Variants in LRRC8B observed in about 807,000 individuals in gnomAD.
The protein encoded by LRRC8B is volume-regulated anion channel subunit LRRC8B.
In LRRC8B, 23 loss-of-function variants were observed where a neutral mutation model predicts 58.8. That is an observed-to-expected ratio of 0.39 (90% CI 0.28 to 0.55). The LOEUF (loss-of-function observed/expected upper bound fraction) is 0.55, where lower values mean the gene tolerates loss of function less well. Ranked by LOEUF, LRRC8B falls within the 20% of genes least tolerant of loss-of-function variation. LRRC8B has a pLI of 0.62. For synonymous variants in LRRC8B, 359 were observed against 374.1 expected (o/e 0.96, Z 0.47); for missense variants, 694 against 936.0 (o/e 0.74, Z 3.37).
chr1:89,591,768 C>T (rs2101107605), intron 5 of LRRC8B, among the ~76,000 whole-genome samples: 1 of 152,250 alleles, frequency 6.6e-6, no homozygotes, highest in East Asian at 1.9e-4. Flanking sequence ...AGGCCAAGTC[C>T]CTGAGTGCCC....
Position 89,584,303 on chromosome 1 carries a change from G to C in LRRC8B, c.1653G>C (p.Arg551=). Residue 551 remains arginine (R), a synonymous_variant, in exon 5 of 6, where the codon CGG becomes CGC. Coordinates refer to ENST00000330947, the MANE Select transcript of LRRC8B (RefSeq NM_001369817.2). ...RTLYLKSSLS[R]IPQVVTDLLP... is the part of the protein sequence containing the mutation. Reference sequence around the variant, plus strand: ...TGTACTTGAAGAGCAGCCTCTCCCGGATCCCACAAGTTGTTACAGACCTCC... The same window carrying C: ...TGTACTTGAAGAGCAGCCTCTCCCGCATCCCACAAGTTGTTACAGACCTCC... 6.2e-7 allele frequency: 1 copy of C among 1,614,066 alleles called. No homozygotes were observed. Among genetic ancestry groups the C allele is most frequent in the Non-Finnish European group, 8.5e-7 (1 of 1,180,040 alleles).
chr1:89,556,495 C>G (rs1050383533), intron 1 of LRRC8B, among the ~76,000 whole-genome samples: 2 of 152,100 alleles, frequency 1.3e-5, no homozygotes, highest in Non-Finnish European at 2.9e-5. Context: ...ATTCCTGGGA[C>G]TTGTGATTGA....
In LRRC8B at chr1:89,593,082, A is replaced by G; in HGVS notation, c.*39A>G. ...GACCCGTGTTTCAAAATCATTTTTA[A>G]AAGTATGCTCGGCCGGGCGTGGTGG... On this transcript the variant is annotated 3_prime_UTR_variant, in exon 6 of 6. Coordinates refer to ENST00000330947, the MANE Select transcript of LRRC8B (RefSeq NM_001369817.2). 6.3e-7 allele frequency: 1 copy of G among 1,598,030 alleles called. No homozygotes were observed. Among genetic ancestry groups the G allele is most frequent in the Non-Finnish European group, 8.6e-7 (1 of 1,169,308 alleles).
chr1:89,530,185 C>CT (rs1650007677), intron 1 of LRRC8B, among the ~76,000 whole-genome samples: 1 of 135,788 alleles, frequency 7.4e-6, no homozygotes. Context: ...CCCGTCTCTA[C>CT]AAAAAATACA....
intron 1 of LRRC8B, among the ~76,000 whole-genome samples, chr1:89,531,013 C>A (rs1032699035): frequency 1.3e-5 from 2 of 152,158 alleles, no homozygotes; most frequent in African/African-American, 2.4e-5. Context: ...TGTGGTATGG[C>A]ATGACTGAGC....
At chr1:89,544,463 AC>A (rs1261189867) in intron 1 of LRRC8B, among the ~76,000 whole-genome samples, 15 of 152,144 alleles carry the variant, frequency 9.9e-5, no homozygotes, top group Non-Finnish European at 2.9e-5. Context: ...GTTTTTATCG[AC>A]TATTGCTAAG....
At position 89,597,567 on chromosome 1, in the gene LRRC8B, T is replaced by A. The variant is rs1286676962; in HGVS notation, c.*4524T>A. The A allele has an allele frequency of 2.0e-5, 3 of 152,216 alleles. No homozygotes were observed. 9.4% of individuals were successfully genotyped at this position (152,216 alleles called of 1,614,324 possible). ...AGTGAAATAATGGGCCAATCTGGAA[T>A]AGAGACATTTTATTTGGTTAGTGCA... On this transcript the variant is annotated 3_prime_UTR_variant, in exon 6 of 6. Transcript: ENST00000330947.
At chr1:89,574,386 A>C (rs1653684561) in intron 3 of LRRC8B, among the ~76,000 whole-genome samples, 1 of 152,270 alleles carries the variant, frequency 6.6e-6, no homozygotes, top group South Asian at 2.1e-4. Flanking sequence ...ACCAGGTGTC[A>C]GTGAAGGCCT....
chr1:89,534,494 T>A (rs1650376194), intron 1 of LRRC8B, among the ~76,000 whole-genome samples: 1 of 150,806 alleles, frequency 6.6e-6, no homozygotes, highest in South Asian at 2.1e-4. Flanking sequence ...AAGTTTTTCA[T>A]TATCATGTCT....
intron 5 of LRRC8B, among the ~76,000 whole-genome samples, chr1:89,590,850 C>T (rs554924889): frequency 6.6e-6 from 1 of 152,316 alleles, no homozygotes. Flanking sequence ...TTCTCTCTTC[C>T]GTGAGACTTG....
chr1:89,577,323 G>A (rs1468563265), intron 3 of LRRC8B, among the ~76,000 whole-genome samples: 1 of 152,172 alleles, frequency 6.6e-6, no homozygotes, highest in Non-Finnish European at 1.5e-5. Flanking sequence ...GAATGTTGAT[G>A]TTACAGTCTT....
chr1:89,577,435 G>T (rs191730007), intron 3 of LRRC8B, among the ~76,000 whole-genome samples: 1 of 152,142 alleles, frequency 6.6e-6, no homozygotes, highest in East Asian at 1.9e-4. Context: ...GATTAGAACC[G>T]TAAAATCCAT....
At chr1:89,582,254 T>C (rs1161818186) in intron 4 of LRRC8B, among the ~76,000 whole-genome samples, 12 of 141,912 alleles carry the variant, frequency 8.5e-5, no homozygotes, top group Non-Finnish European at 1.6e-4. Context: ...AAGAAAAAAA[T>C]ATTAGTAGCA....
intron 1 of LRRC8B, among the ~76,000 whole-genome samples, chr1:89,538,904 T>C (rs982753925): frequency 2.6e-5 from 4 of 152,100 alleles, no homozygotes; most frequent in Admixed American, 2.6e-4. Flanking sequence ...TATTTTTTAA[T>C]AGAGATGGGG....
chr1:89,585,481 G>A (rs1185332563), intron 5 of LRRC8B, among the ~76,000 whole-genome samples: 1 of 152,102 alleles, frequency 6.6e-6, no homozygotes, highest in Non-Finnish European at 1.5e-5. Context: ...TATGGAGGAG[G>A]AGGAAAAAGG....
At chr1:89,580,844 A>AC (rs1175549544) in intron 4 of LRRC8B, among the ~76,000 whole-genome samples, 1 of 152,160 alleles carries the variant, frequency 6.6e-6, no homozygotes, top group Non-Finnish European at 1.5e-5. Flanking sequence ...AAATGCCTTA[A>AC]CAGGTACAAG....
At chr1:89,530,920 T>TGGGGAAAC (rs1650084988) in intron 1 of LRRC8B, among the ~76,000 whole-genome samples, 1 of 152,148 alleles carries the variant, frequency 6.6e-6, no homozygotes, top group Non-Finnish European at 1.5e-5. Flanking sequence ...AATGCCTCTC[T>TGGGGAAAC]AATCCCTGTA....
Position 89,593,895 on chromosome 1 carries a change from C to T in LRRC8B, c.*852C>T, listed in dbSNP as rs892611014. ...GCTTAATTTTTACTTCCTTTCCCAG[C>T]TTGCTTGAGTCTTCCTTAACCTGGT... On this transcript the variant is annotated 3_prime_UTR_variant, in exon 6 of 6. Transcript: ENST00000330947. 2.0e-4 allele frequency: 31 copies of T among 152,196 alleles called. No homozygotes were observed. The highest frequency in any genetic ancestry group is 7.5e-4 in the African/African-American group (31 of 41,444). 9.4% of individuals were successfully genotyped at this position (152,196 alleles called of 1,614,324 possible). A position where few individuals can be genotyped will look rare whatever the true frequency, so the allele number is the denominator to read the frequency against.
rs1397028547 is a variant in LRRC8B at position 89,597,849 on chromosome 1, G to A, written c.*4806G>A. Reference sequence around the variant, plus strand: ...TTATAACAAATGGCAAATAAAAACAGTAAATGCTGGAAGAAGTTGACTGTA... The same window carrying A: ...TTATAACAAATGGCAAATAAAAACAATAAATGCTGGAAGAAGTTGACTGTA... On this transcript the variant is annotated 3_prime_UTR_variant, in exon 6 of 6. Transcript: ENST00000330947. The A allele has an allele frequency of 6.6e-6, 1 of 152,174 alleles. No homozygotes were observed. Among genetic ancestry groups the A allele is most frequent in the Admixed American group, 6.5e-5 (1 of 15,278 alleles). 9.4% of individuals were successfully genotyped at this position (152,174 alleles called of 1,614,324 possible).
Sources: allele counts gnomAD v4.1 joint callset (sites outside exome capture counted in the v4.1 genomes callset), GRCh38; gene constraint gnomAD v4.1.1; transcripts MANE v1.5; gene names NCBI Gene and HGNC (gene_info 2026-07-23, HGNC 2026-07-21).